Variants in CARD14 observed in about 807,000 individuals in gnomAD.
The protein encoded by CARD14 is caspase recruitment domain family member 14.
A neutral mutation model predicts 111.5 loss-of-function variants in CARD14; 107 were observed. That is an observed-to-expected ratio of 0.96 (90% CI 0.82 to 1.13). The LOEUF (loss-of-function observed/expected upper bound fraction) is 1.13. Ranked by LOEUF, CARD14 falls within the 50% of genes most tolerant of loss-of-function variation. The pLI is 0.00. For missense variants in CARD14, 1,322 were observed against 1,362.3 expected, an observed-to-expected ratio of 0.97 and a Z score of 0.47; for synonymous variants, 617 against 579.6, an observed-to-expected ratio of 1.06 and a Z score of -0.93.
chr17:80,191,251 G>A, intron 10 of CARD14, 72 bp from the exon 11 acceptor site: 2 of 1,559,994 alleles, frequency 1.3e-6, no homozygotes. Flanking sequence ...GCTAGAAACA[G>A]GGCTCTCCTT....
At chr17:80,190,646 T>A in intron 9 of CARD14, 128 bp from the exon 10 acceptor site, 2 of 911,464 alleles carry the variant, frequency 2.2e-6, no homozygotes, top group Non-Finnish European at 1.5e-6. Flanking sequence ...GAGAGACGAG[T>A]GAGAATTGAC....
chr17:80,208,114 C>T (rs533183128), intron 23 of CARD14, 24 bp from the exon 24 acceptor site: 3 of 1,490,714 alleles, frequency 2.0e-6, no homozygotes, highest in East Asian at 5.0e-5. Flanking sequence ...CTGAGCCCGC[C>T]CCCCCCAACT....
chr17:80,191,325 G>A lies in CARD14; in HGVS notation c.1092G>A (p.Ala364=), dbSNP rs373435882. The A allele has an allele frequency of 5.7e-5, 92 of 1,610,896 alleles. No individual in the cohort carries two copies. The highest frequency in any genetic ancestry group is 6.7e-5 in the East Asian group (3 of 44,796). The change falls in exon 11 of 24, where the codon GCG becomes GCA. Residue 364 remains alanine, a splice_region_variant and synonymous_variant. Transcript: ENST00000648509. ...CTTACTCCCGTCGTGGCCCACAGGC[G>A]TACTCCGCGAGGGACAGTGCTCAGA... ...VCELQKERDQ[A]YSARDSAQRE...
At chr17:80,179,831 C>CA (rs967529805) in intron 4 of CARD14, among the ~76,000 whole-genome samples, 6 of 151,420 alleles carry the variant, frequency 4.0e-5, no homozygotes, top group African/African-American at 7.3e-5. Flanking sequence ...GACCCTACCT[C>CA]AAAAAAAATC....
intron 12 of CARD14, among the ~76,000 whole-genome samples, chr17:80,193,133 T>C (rs573407905): frequency 3.4e-4 from 52 of 152,330 alleles, no homozygotes; most frequent in Non-Finnish European, 5.3e-4. Flanking sequence ...GCTGACAGGG[T>C]ACCCGTCTGG....
chr17:80,206,309 A>T (rs1031073686), intron 22 of CARD14, among the ~76,000 whole-genome samples: 13 of 50,544 alleles, frequency 2.6e-4, no homozygotes, highest in Admixed American at 1.9e-3. Context: ...AAAAAAAATT[A>T]AAAAATAAAA....
In CARD14 at chr17:80,198,135, C is replaced by G; in HGVS notation, c.1631C>G (p.Ser544Cys). The G allele has an allele frequency of 6.2e-7, 1 of 1,613,924 alleles. No homozygotes were observed. The highest frequency in any genetic ancestry group is 1.1e-5 in the South Asian group (1 of 91,072). Residue 544 changes from serine to cysteine, a missense_variant, in exon 15 of 24, where the codon TCC becomes TGC. Coordinates refer to ENST00000648509, the MANE Select transcript of CARD14 (RefSeq NM_001366385.1). This position sits in a 1 kb window ranked among gnomAD's most constrained non-coding sequence, Gnocchi z 7.5. ...PQLESSLQPV[S>C]PGRLDVSESG... ...CTGGAAAGCAGCCTGCAGCCAGTCT[C>G]CCCTGGAAGGCTTGATGTCTCGGAG...
chr17:80,195,841 G>A lies in CARD14; in HGVS notation c.1594+189G>A, dbSNP rs2144320807. The A allele has an allele frequency of 1.7e-6, 1 of 588,316 alleles. No homozygotes were observed. Among genetic ancestry groups the A allele is most frequent in the African/African-American group, 1.9e-5 (1 of 53,250 alleles). The allele number at this position is 588,316 out of a possible 1,614,324, so 36.4% of individuals were successfully genotyped here. ...AAGTCCCGCCTGCCAGCCAGCGTAA[G>A]CCAAAGGCCGGCTGCGCTCTGTCTG... On this transcript the variant is annotated intron_variant, in intron 14 of 23. Coordinates refer to ENST00000648509, the MANE Select transcript of CARD14 (RefSeq NM_001366385.1). The surrounding 1 kb of genome is among the most constrained non-coding windows in gnomAD (Gnocchi z 4.7).
chr17:80,192,973 C>T lies in CARD14; in HGVS notation c.1356+354C>T, dbSNP rs539172405. On this transcript the variant is annotated intron_variant, in intron 12 of 23. Coordinates refer to ENST00000648509, the MANE Select transcript of CARD14 (RefSeq NM_001366385.1). Reference sequence around the variant, plus strand: ...ACATGTTGGCCAGGCTGGTCTTGAACTCCTGACCTCAAATGATCTGCCAGC... The same window carrying T: ...ACATGTTGGCCAGGCTGGTCTTGAATTCCTGACCTCAAATGATCTGCCAGC... Among the ~76,000 whole-genome samples the T allele has an allele frequency of 1.2e-4, 19 of 152,296 alleles. No individual in the cohort carries two copies. The South Asian group carries it at 1.4e-3, about 12-fold the overall frequency.
intron 7 of CARD14, chr17:80,187,659 G>A (rs2040387245): frequency 1.5e-6 from 1 of 648,880 alleles, no homozygotes; most frequent in Admixed American, 6.3e-5. Flanking sequence ...ACAGCCCAGG[G>A]GTGAGCACCG....
rs530767518 is a variant in CARD14, at chr17:80,189,969, G to A, written c.963+97G>A. 1.6e-4 allele frequency: 240 copies of A among 1,472,482 alleles called. No homozygotes were observed. The highest frequency in any genetic ancestry group is 1.9e-4 in the Non-Finnish European group (212 of 1,116,830). 91.2% of individuals were successfully genotyped at this position (1,472,482 alleles called of 1,614,324 possible). On this transcript the variant is annotated intron_variant, in intron 9 of 23. Transcript: ENST00000648509. This position sits in a 1 kb window ranked among gnomAD's most constrained non-coding sequence, Gnocchi z 4.7. ...GAAGCCAGATTCCTTCATCCACGCCGAGCTCACATAATTTTGCTGAACGAA... is the reference window on the plus strand; with the variant it reads ...GAAGCCAGATTCCTTCATCCACGCCAAGCTCACATAATTTTGCTGAACGAA...
intron 11 of CARD14, among the ~76,000 whole-genome samples, 193 bp downstream of exon 11, chr17:80,191,665 TG>T (rs1177519106): frequency 6.6e-6 from 1 of 152,214 alleles, no homozygotes; most frequent in East Asian, 1.9e-4. Flanking sequence ...CACGCGTGGA[TG>T]GTGCCGTGAA....
At chr17:80,190,639 A>AGG in intron 9 of CARD14, 135 bp from the exon 10 acceptor site, 1 of 856,598 alleles carries the variant, frequency 1.2e-6, no homozygotes, top group Non-Finnish European at 1.7e-6. Flanking sequence ...AGAGAGAGAG[A>AGG]GACGAGTGAG....
chr17:80,185,990 C>G (rs565901150), intron 7 of CARD14, among the ~76,000 whole-genome samples: 2 of 152,384 alleles, frequency 1.3e-5, no homozygotes, highest in South Asian at 4.1e-4. Context: ...AGGCCAATTG[C>G]TCTACTGCAG....
chr17:80,172,578 G>A (rs1000342217), intron 1 of CARD14, among the ~76,000 whole-genome samples: 1 of 152,210 alleles, frequency 6.6e-6, no homozygotes, highest in Non-Finnish European at 1.5e-5. Context: ...TTCTGCTGGT[G>A]TCCCCGCTGT....
At chr17:80,180,939 T>G (rs564311268) in intron 4 of CARD14, among the ~76,000 whole-genome samples, 1 of 152,162 alleles carries the variant, frequency 6.6e-6, no homozygotes, top group African/African-American at 2.4e-5. Context: ...ATTTTTGTAT[T>G]TTTAGTAGAG....
chr17:80,190,622 AAAAAAAAG>A, intron 9 of CARD14, 144 bp from the exon 10 acceptor site: 1 of 860,320 alleles, frequency 1.2e-6, no homozygotes, highest in Non-Finnish European at 1.7e-6. Flanking sequence ...CAAAAAAAAA[AAAAAAAAG>A]AGAGAGAGAG....
intron 1 of CARD14, among the ~76,000 whole-genome samples, chr17:80,172,227 G>A (rs904099523): frequency 2.0e-5 from 3 of 152,214 alleles, no homozygotes; most frequent in South Asian, 2.1e-4. Context: ...CCTTGTAGGC[G>A]ACTGTTTAGG....
At chr17:80,191,866 G>A (rs1397801057) in intron 11 of CARD14, among the ~76,000 whole-genome samples, 3 of 152,242 alleles carry the variant, frequency 2.0e-5, no homozygotes, top group Admixed American at 2.0e-4. Context: ...GCGTCCAAGA[G>A]TGGAAAGACA....
Sources: gnomAD v4.1 joint callset for allele counts (sites outside exome capture counted in the v4.1 genomes callset) on GRCh38, gnomAD v4.1.1 for gene constraint, Gnocchi (gnomAD v3.1) non-coding constraint, MANE v1.5 for transcripts, NCBI Gene and HGNC (gene_info 2026-07-23, HGNC 2026-07-21) for gene names.